IL1RAPL2: variants seen among roughly 807,000 people sequenced by gnomAD.
IL1RAPL2 encodes interleukin 1 receptor accessory protein like 2, also known as X-linked interleukin-1 receptor accessory protein-like 2.
In IL1RAPL2, 3 loss-of-function variants were observed where a neutral mutation model predicts 44.1. That is an observed-to-expected ratio of 0.07 (90% CI 0.03 to 0.18). The LOEUF is 0.18. IL1RAPL2 is among the 10% of genes least tolerant of loss of function. The pLI is 1.00. For missense variants in IL1RAPL2, 391 were observed against 496.4 expected (o/e 0.79, Z 2.02); for synonymous variants, 181 against 178.8 (o/e 1.01, Z -0.10).
At chrX:104,818,565 T>C (rs1319899095) in intron 2 of IL1RAPL2, among the ~76,000 whole-genome samples, 2 of 109,148 alleles carry the variant, frequency 1.8e-5, no homozygotes, top group African/African-American at 6.7e-5. Flanking sequence ...TGAATAGATA[T>C]GGAAAGAAGG....
rs372238411 is a variant in IL1RAPL2 at position 105,420,440 on chromosome X, T to C, written c.698-63873T>C. On this transcript the variant is annotated intron_variant, in intron 5 of 10. Transcript: ENST00000372582. ...GTTTTTATGTATTAACCCCAAATCC[T>C]AGAAACTTCTCCCCAATATTGTGTG... 3.0e-4 allele frequency among the ~76,000 whole-genome samples: 33 copies of C among 111,774 alleles called. 1 individual carries two copies. The East Asian group carries it at 8.8e-3, about 30-fold the overall frequency.
chrX:105,446,237 G>A (rs779444833), intron 5 of IL1RAPL2, among the ~76,000 whole-genome samples: 13 of 110,528 alleles, frequency 1.2e-4, no homozygotes, highest in South Asian at 3.8e-4. Context: ...TTCCATTGCC[G>A]TGGGATATCT....
rs147516275 is a variant in IL1RAPL2, at chrX:105,117,820, T to C, written c.83-77655T>C. Among the ~76,000 whole-genome samples the C allele has an allele frequency of 6.1e-3, 680 of 111,634 alleles. 4 individuals are homozygous for C. Among genetic ancestry groups the C allele is most frequent in the Non-Finnish European group, 9.0e-3 (477 of 53,138 alleles). On this transcript the variant is annotated intron_variant, in intron 2 of 10. Transcript: ENST00000372582. The stretch of plus-strand genomic sequence containing the variant: ...TTACCCAATCTCAGGTATTTCTCCA[T>C]AGCAGCATGAGAACAGACTAATACA...
At chrX:105,357,593 C>T (rs920192110) in intron 5 of IL1RAPL2, among the ~76,000 whole-genome samples, 1 of 110,082 alleles carries the variant, frequency 9.1e-6, no homozygotes, top group African/African-American at 3.3e-5. Flanking sequence ...ATAATTTATG[C>T]AAATTGTTCA....
At chrX:105,405,449 A>G (rs2035635962) in intron 5 of IL1RAPL2, among the ~76,000 whole-genome samples, 1 of 112,289 alleles carries the variant, frequency 8.9e-6, no homozygotes, top group African/African-American at 3.2e-5. Flanking sequence ...GGAGCCTTTT[A>G]TAACATAGTG....
intron 2 of IL1RAPL2, among the ~76,000 whole-genome samples, chrX:104,846,729 G>A (rs1308206840): frequency 8.9e-6 from 1 of 111,891 alleles, no homozygotes; most frequent in Non-Finnish European, 1.9e-5. Context: ...GGATGGCTGG[G>A]TCAAATGGTA....
chrX:105,051,091 G>T (rs918632055), intron 2 of IL1RAPL2, among the ~76,000 whole-genome samples: 3 of 112,571 alleles, frequency 2.7e-5, no homozygotes, highest in Non-Finnish European at 3.8e-5. Context: ...CTGGCAGCTG[G>T]GCCCTCAGCC....
intron 2 of IL1RAPL2, among the ~76,000 whole-genome samples, chrX:105,059,421 T>C: frequency 8.9e-6 from 1 of 112,621 alleles, no homozygotes; most frequent in East Asian, 2.8e-4. Context: ...CATAATGACC[T>C]CCAATTTCAT....
intron 2 of IL1RAPL2, among the ~76,000 whole-genome samples, chrX:104,895,116 C>T (rs922784619): frequency 3.6e-5 from 4 of 112,093 alleles, no homozygotes; most frequent in African/African-American, 1.3e-4. Flanking sequence ...TGCTGAACAG[C>T]AAATGTTGCT....
At chrX:105,136,126 A>C (rs1023509271) in intron 2 of IL1RAPL2, among the ~76,000 whole-genome samples, 2 of 112,172 alleles carry the variant, frequency 1.8e-5, no homozygotes, top group African/African-American at 6.5e-5. Flanking sequence ...GCATTATCGA[A>C]TGTATTCAAG....
At chrX:105,630,042 G>A (rs967679346) in intron 6 of IL1RAPL2, among the ~76,000 whole-genome samples, 1 of 111,569 alleles carries the variant, frequency 9.0e-6, no homozygotes, top group Non-Finnish European at 1.9e-5. Flanking sequence ...GCCCCCTTCA[G>A]CTCTGACAAT....
chrX:105,448,831 G>A (rs1253866991), intron 5 of IL1RAPL2, among the ~76,000 whole-genome samples: 1 of 110,723 alleles, frequency 9.0e-6, no homozygotes, highest in Admixed American at 9.7e-5. Context: ...GCTATTAAAA[G>A]ATTCTGATGC....
chrX:105,163,092 G>GT (rs1380830297), intron 2 of IL1RAPL2, among the ~76,000 whole-genome samples: 1 of 111,698 alleles, frequency 9.0e-6, no homozygotes, highest in East Asian at 2.8e-4. Flanking sequence ...CTCACCAGCT[G>GT]TTTTGTAGTT....
chrX:104,917,765 A>C (rs1924503941), intron 2 of IL1RAPL2, among the ~76,000 whole-genome samples: 1 of 111,973 alleles, frequency 8.9e-6, no homozygotes, highest in South Asian at 3.7e-4. Flanking sequence ...TCAGCTGAAA[A>C]GTGCTTGAGT....
chrX:104,952,316 G>T (rs181256801), intron 2 of IL1RAPL2, among the ~76,000 whole-genome samples: 1 of 111,754 alleles, frequency 8.9e-6, no homozygotes, highest in East Asian at 2.8e-4. Context: ...CACAATTTTT[G>T]TTGCTCATGA....
chrX:104,714,224 G>T, intron 2 of IL1RAPL2, among the ~76,000 whole-genome samples: 1 of 111,157 alleles, frequency 9.0e-6, no homozygotes, highest in Middle Eastern at 4.7e-3. Context: ...TCCAGCTTTT[G>T]CCCATTCAGT....
intron 2 of IL1RAPL2, among the ~76,000 whole-genome samples, chrX:104,987,037 C>T (rs2030574860): frequency 8.9e-6 from 1 of 112,227 alleles, no homozygotes; most frequent in East Asian, 2.8e-4. Context: ...GACAAATCAG[C>T]ACCACTTGAA....
chrX:105,249,091 C>T (rs994005334), intron 4 of IL1RAPL2, among the ~76,000 whole-genome samples: 1 of 111,272 alleles, frequency 9.0e-6, no homozygotes, highest in Non-Finnish European at 1.9e-5. Flanking sequence ...TTGGAAGCAA[C>T]CTAAGTGTCC....
At chrX:105,000,755 C>T (rs751466667) in intron 2 of IL1RAPL2, among the ~76,000 whole-genome samples, 10 of 111,700 alleles carry the variant, frequency 9.0e-5, no homozygotes, top group Non-Finnish European at 1.7e-4. Context: ...GTGCCTGTTG[C>T]TGAAAACATT....
Sources: allele counts gnomAD v4.1 joint callset (sites outside exome capture counted in the v4.1 genomes callset), GRCh38; gene constraint gnomAD v4.1.1; transcripts MANE v1.5; gene names NCBI Gene and HGNC (gene_info 2026-07-23, HGNC 2026-07-21).